Variants in SP100 observed in about 807,000 individuals in gnomAD.
SP100 encodes the protein nuclear autoantigen Sp-100.
SP100 carries 84 observed loss-of-function variants against 130.0 expected under a neutral mutation model. That is an observed-to-expected ratio of 0.65 (90% confidence interval 0.54 to 0.77). The LOEUF (loss-of-function observed/expected upper bound fraction) is 0.77, where lower values mean the gene tolerates loss of function less well. SP100 is among the 30% of genes least tolerant of loss of function. The pLI, the probability that SP100 is intolerant of heterozygous loss-of-function variation, is 0.00. For missense variants in SP100, 978 were observed against 1,052.2 expected (o/e 0.93, Z 0.97); for synonymous variants, 331 against 351.7 (o/e 0.94, Z 0.66).
intron 7 of SP100, 113 bp from the exon 8 acceptor site, chr2:230,450,059 G>T: frequency 1.4e-6 from 1 of 723,758 alleles, no homozygotes; most frequent in Non-Finnish European, 2.4e-6. Flanking sequence ...ATGCAGACAG[G>T]GGTATAAGTA....
chr2:230,482,431 G>A (rs927114360), intron 17 of SP100, among the ~76,000 whole-genome samples: 8 of 151,912 alleles, frequency 5.3e-5, no homozygotes, highest in Non-Finnish European at 7.4e-5. Context: ...CCCTCTTCCT[G>A]GTTCCTCACT....
At chr2:230,449,021 G>T in intron 5 of SP100, 67 bp from the exon 6 acceptor site, 1 of 994,984 alleles carries the variant, frequency 1.0e-6, no homozygotes. Context: ...ACCAAAAAGG[G>T]ATTAGGGGAG....
intron 24 of SP100, among the ~76,000 whole-genome samples, chr2:230,537,380 C>T (rs1316004817): frequency 6.6e-6 from 1 of 152,164 alleles, no homozygotes; most frequent in South Asian, 2.1e-4. Context: ...CTAGATCAAT[C>T]CACACTGTTT....
chr2:230,502,066 CG>C, intron 19 of SP100, among the ~76,000 whole-genome samples: 1 of 148,206 alleles, frequency 6.7e-6, no homozygotes, highest in South Asian at 2.1e-4. Flanking sequence ...TTAGTAGAGA[CG>C]GAGTTTCACC....
At chr2:230,434,006 T>C (rs2063174865) in intron 2 of SP100, among the ~76,000 whole-genome samples, 1 of 151,290 alleles carries the variant, frequency 6.6e-6, no homozygotes, top group South Asian at 2.1e-4. Context: ...TAAAAAATGG[T>C]AAAAGAAAGA....
At chr2:230,529,907 C>T (rs1470031697) in intron 24 of SP100, among the ~76,000 whole-genome samples, 1 of 152,160 alleles carries the variant, frequency 6.6e-6, no homozygotes, top group African/African-American at 2.4e-5. Flanking sequence ...GAACTACAAA[C>T]CACTGCTCAA....
intron 24 of SP100, among the ~76,000 whole-genome samples, chr2:230,532,146 G>C (rs1691728292): frequency 6.6e-6 from 1 of 151,960 alleles, no homozygotes; most frequent in Admixed American, 6.6e-5. Flanking sequence ...AGAGGACACC[G>C]ACCACTTAAA....
At position 230,494,471 on chromosome 2, in the gene SP100, A is replaced by G; in HGVS notation, c.1645+11A>G. On this transcript the variant is annotated intron_variant, in intron 18 of 28. Coordinates refer to ENST00000340126, the MANE Select transcript of SP100 (RefSeq NM_001080391.2). ...ATGGTCTCCAAAGAGGTAAGAAGAA[A>G]TGTGGGGATTTACTCCTTTGAACTC... 6.3e-7 allele frequency: 1 copy of G among 1,599,792 alleles called. No homozygotes were observed. The highest frequency in any genetic ancestry group is 8.6e-7 in the Non-Finnish European group (1 of 1,167,038).
At chr2:230,530,370 T>C (rs1691645823) in intron 24 of SP100, among the ~76,000 whole-genome samples, 3 of 151,052 alleles carry the variant, frequency 2.0e-5, no homozygotes, top group Admixed American at 2.0e-4. Flanking sequence ...GAAAACTGGC[T>C]AGCCATATGT....
At chr2:230,445,584 A>G (rs1226799343) in intron 4 of SP100, among the ~76,000 whole-genome samples, 1 of 152,166 alleles carries the variant, frequency 6.6e-6, no homozygotes, top group African/African-American at 2.4e-5. Context: ...ATTTGTGTCA[A>G]TACTAACCTT....
chr2:230,523,263 T>G (rs1340978554), intron 24 of SP100, among the ~76,000 whole-genome samples: 1 of 152,266 alleles, frequency 6.6e-6, no homozygotes, highest in African/African-American at 2.4e-5. Flanking sequence ...TGGCTATAAT[T>G]CTGAAGTAAA....
rs142259495 is a variant in SP100 at position 230,416,241 on chromosome 2, G to A, written c.-56G>A. On this transcript the variant is annotated 5_prime_UTR_variant, in exon 1 of 29. Transcript: ENST00000340126. ...AGCCACACTGCACGCAGGCTGGGCC[G>A]ACTGAGGGGCTCAGAGGCCAGGCTC... 5.4e-3 allele frequency: 8,132 copies of A among 1,517,658 alleles called. 27 individuals are homozygous for A. Among genetic ancestry groups the A allele is most frequent in the Non-Finnish European group, 6.5e-3 (7,179 of 1,097,754 alleles). 94.0% of individuals were successfully genotyped at this position (1,517,658 alleles called of 1,614,324 possible).
At chr2:230,533,540 C>G (rs903542253) in intron 24 of SP100, among the ~76,000 whole-genome samples, 4 of 152,300 alleles carry the variant, frequency 2.6e-5, no homozygotes, top group Non-Finnish European at 4.4e-5. Flanking sequence ...GAAAAAGGCA[C>G]CTACTTCTGC....
chr2:230,525,060 A>T (rs1010467153), intron 24 of SP100, among the ~76,000 whole-genome samples: 5 of 152,206 alleles, frequency 3.3e-5, no homozygotes, highest in Non-Finnish European at 7.3e-5. Flanking sequence ...GGATATCAAG[A>T]TGTAATTTTG....
chr2:230,504,189 C>G lies in SP100; in HGVS notation c.1769C>G (p.Pro590Arg). The change falls in exon 21 of 29, where the codon CCA becomes CGA. Residue 590 changes from proline to arginine, a missense_variant. By Grantham distance (103) the Pro-to-Arg change is moderately radical. Coordinates refer to ENST00000340126, the MANE Select transcript of SP100 (RefSeq NM_001080391.2). Reference protein sequence around the residue: ...RPLKRRRKRGPRIPKDENINF... With the variant: ...RPLKRRRKRGRRIPKDENINF... ...AAAAAAAAATGCTTCCTTGCAGGTC[C>G]AAGAATTCCCAAAGATGAAAATATT... 1 of 1,603,392 alleles carries G rather than the reference C, an allele frequency of 6.2e-7. No individual in the cohort carries two copies. Among genetic ancestry groups the G allele is most frequent in the Non-Finnish European group, 8.5e-7 (1 of 1,171,604 alleles).
chr2:230,460,371 G>T (rs1053555739), intron 8 of SP100, among the ~76,000 whole-genome samples: 1 of 152,086 alleles, frequency 6.6e-6, no homozygotes, highest in Non-Finnish European at 1.5e-5. Context: ...CAATTTTGGG[G>T]GATTTGGCTT....
At position 230,444,276 on chromosome 2, in the gene SP100, A is replaced by T; in HGVS notation, c.369A>T (p.Glu123Asp). 9 of 1,613,982 alleles carry T rather than the reference A, an allele frequency of 5.6e-6. No individual in the cohort carries two copies. The highest frequency in any genetic ancestry group is 7.6e-6 in the Non-Finnish European group (9 of 1,179,846). Reference sequence around the variant, plus strand: ...AGACATTTAACCTGCCAGTTCTGGAAGCACTGTTCAGCGATGTCAACATGC... The same window carrying T: ...AGACATTTAACCTGCCAGTTCTGGATGCACTGTTCAGCGATGTCAACATGC... The part of the protein sequence containing the change: ...LEKTFNLPVL[E>D]ALFSDVNMQE... Residue 123 changes from glutamate to aspartate, a missense_variant, in exon 4 of 29, where the codon GAA becomes GAT. By Grantham distance (45) the Glu-to-Asp change is conservative (BLOSUM62 2). Transcript: ENST00000340126.
rs764404740 is a variant in SP100 at position 230,450,265 on chromosome 2, G to C, written c.820+10G>C. The C allele has an allele frequency of 1.3e-6, 2 of 1,595,278 alleles. No individual in the cohort carries two copies. Among genetic ancestry groups the C allele is most frequent in the Admixed American group, 3.4e-5 (2 of 59,648 alleles). ...CCCTGTGATGAAGAAAGTAATTATT[G>C]CTTACCTTGCCTATTTTCTTTCCTT... On this transcript the variant is annotated intron_variant, in intron 8 of 28. Transcript: ENST00000340126.
chr2:230,487,174 A>G (rs1368111865), intron 17 of SP100, among the ~76,000 whole-genome samples: 1 of 152,132 alleles, frequency 6.6e-6, no homozygotes, highest in East Asian at 1.9e-4. Context: ...TCTCTAGTTT[A>G]ATTAGATCCC....
Sources: gnomAD v4.1 joint callset for allele counts (sites outside exome capture counted in the v4.1 genomes callset) on GRCh38, gnomAD v4.1.1 for gene constraint, MANE v1.5 for transcripts, NCBI Gene and HGNC (gene_info 2026-07-23, HGNC 2026-07-21) for gene names.